The following LSAMP variants were observed in gnomAD, a reference collection of about 807,000 sequenced individuals.
The protein encoded by LSAMP is limbic system associated membrane protein.
In LSAMP, 7 loss-of-function variants were observed where a neutral mutation model predicts 38.6. The ratio of observed to expected loss-of-function variants is 0.18; its 90% CI spans 0.10 to 0.34. The LOEUF is 0.34. LSAMP is among the 10% of genes least tolerant of loss of function. The pLI, the probability that LSAMP is intolerant of heterozygous loss-of-function variation, is 1.00. For missense variants in LSAMP, 313 were observed against 420.0 expected (o/e 0.75, Z 2.23); for synonymous variants, 154 against 166.8 (o/e 0.92, Z 0.59).
At chr3:116,058,987 TGCTAGACATCATG>T (rs1252311679) in intron 2 of LSAMP, among the ~76,000 whole-genome samples, 1 of 152,074 alleles carries the variant, frequency 6.6e-6, no homozygotes, top group Non-Finnish European at 1.5e-5. Flanking sequence ...GCTTATGCTG[TGCTAGACATCATG>T]GCAGATGCCT....
chr3:116,093,699 T>C (rs1576358455), intron 1 of LSAMP, among the ~76,000 whole-genome samples: 4 of 152,212 alleles, frequency 2.6e-5, no homozygotes, highest in African/African-American at 4.8e-5. Context: ...AGAAAATTAG[T>C]CTTTGTTCAT....
At chr3:116,164,760 AT>A (rs1553709491) in intron 1 of LSAMP, among the ~76,000 whole-genome samples, 13,235 of 91,620 alleles carry the variant, frequency 0.14, 1,646 homozygotes, top group Middle Eastern at 0.21. Flanking sequence ...ATATATATAT[AT>A]TTTTTTTTTT....
At chr3:116,341,776 C>G (rs897624900) in intron 1 of LSAMP, among the ~76,000 whole-genome samples, 1 of 151,990 alleles carries the variant, frequency 6.6e-6, no homozygotes, top group Admixed American at 6.6e-5. Flanking sequence ...TTCCTTGACT[C>G]TGGTTCGGCT....
intron 1 of LSAMP, among the ~76,000 whole-genome samples, chr3:116,370,806 G>T (rs1236616041): frequency 6.6e-6 from 1 of 152,060 alleles, no homozygotes; most frequent in African/African-American, 2.4e-5. Flanking sequence ...TCTTCAATAA[G>T]ATCAACAACA....
Position 116,101,315 on chromosome 3 carries a change from T to C in LSAMP, c.156-14759A>G, listed in dbSNP as rs112987308. On this transcript the variant is annotated intron_variant, in intron 1 of 6. Coordinates refer to ENST00000490035, the MANE Select transcript of LSAMP (RefSeq NM_002338.5). ...TCTTATTTCCCTATATTTGCTTCTA[T>C]CATTTTCTCTACTCCTCTAGGTCTA... Among the ~76,000 whole-genome samples, 262 of 152,352 alleles carry C rather than the reference T, an allele frequency of 1.7e-3. 1 individual carries two copies. Among genetic ancestry groups the C allele is most frequent in the Admixed American group, 2.8e-3 (43 of 15,306 alleles).
At chr3:116,390,580 A>G (rs2048679507) in intron 1 of LSAMP, among the ~76,000 whole-genome samples, 1 of 152,036 alleles carries the variant, frequency 6.6e-6, no homozygotes, top group African/African-American at 2.4e-5. Flanking sequence ...GGCAAGGACC[A>G]TTAGCTGGGC....
At chr3:115,907,149 C>T (rs1937026630) in intron 3 of LSAMP, among the ~76,000 whole-genome samples, 1 of 152,140 alleles carries the variant, frequency 6.6e-6, no homozygotes, top group Non-Finnish European at 1.5e-5. Flanking sequence ...TTGCTTCCAG[C>T]CTGTTCCCAC....
At chr3:115,841,631 G>C (rs75244728) in intron 6 of LSAMP, 5,801 of 444,214 alleles carry the variant, frequency 0.013, 45 homozygotes, top group African/African-American at 0.019. Flanking sequence ...CAACAAGGCA[G>C]TTATCAGAAG....
At chr3:116,405,889 T>C (rs1387525060) in intron 1 of LSAMP, among the ~76,000 whole-genome samples, 2 of 152,088 alleles carry the variant, frequency 1.3e-5, no homozygotes, top group Admixed American at 1.3e-4. Context: ...GAGAAGTAAC[T>C]ACTTGAACAT....
intron 1 of LSAMP, among the ~76,000 whole-genome samples, chr3:116,426,295 T>C (rs1002294666): frequency 6.6e-6 from 1 of 152,028 alleles, no homozygotes; most frequent in African/African-American, 2.4e-5. Flanking sequence ...AAGACCAGTC[T>C]GGCCAATATG....
rs966026700 is a variant in LSAMP at position 115,807,574 on chromosome 3, G to A, written c.*2743C>T. The stretch of plus-strand genomic sequence containing the variant: ...GGTATATAATTAAGGCCTGTGACAT[G>A]CCATGGGGATCTGTTCCTGAAGGTA... On this transcript the variant is annotated 3_prime_UTR_variant, in exon 7 of 7. Coordinates refer to ENST00000490035, the MANE Select transcript of LSAMP (RefSeq NM_002338.5). 6.6e-5 allele frequency: 10 copies of A among 152,136 alleles called. No individual in the cohort carries two copies. Among genetic ancestry groups the A allele is most frequent in the African/African-American group, 2.4e-4 (10 of 41,428 alleles). 9.4% of individuals were successfully genotyped at this position (152,136 alleles called of 1,614,324 possible). A position where few individuals can be genotyped will look rare whatever the true frequency, so the allele number is the denominator to read the frequency against.
At chr3:116,321,264 T>G (rs2047702077) in intron 1 of LSAMP, among the ~76,000 whole-genome samples, 1 of 152,060 alleles carries the variant, frequency 6.6e-6, no homozygotes. Context: ...TCCCAGCTAC[T>G]TGGGAGGCTA....
intron 1 of LSAMP, among the ~76,000 whole-genome samples, chr3:116,433,288 C>T (rs1713005): frequency 0.59 from 89,720 of 151,740 alleles, 27,551 homozygotes; most frequent in East Asian, 0.72. Context: ...AACTAAAGTA[C>T]AACTTTAGAA....
chr3:116,397,791 G>A (rs1471744409), intron 1 of LSAMP, among the ~76,000 whole-genome samples: 2 of 152,038 alleles, frequency 1.3e-5, no homozygotes, highest in Admixed American at 6.5e-5. Context: ...CTTGTAGCAC[G>A]AGTCATAGTA....
Position 115,869,096 on chromosome 3 carries a change from A to G in LSAMP, c.515-16479T>C, listed in dbSNP as rs550609052. 7.2e-5 allele frequency among the ~76,000 whole-genome samples: 11 copies of G among 152,266 alleles called. 1 individual carries two copies. The South Asian group carries it at 2.3e-3, about 32-fold the overall frequency. On this transcript the variant is annotated intron_variant, in intron 3 of 6. Coordinates refer to ENST00000490035, the MANE Select transcript of LSAMP (RefSeq NM_002338.5). ...TCCAGGAAGAGAAATCAATGCAACT[A>G]TGCTCAATGGTTACGCTAAAATAAA...
intron 3 of LSAMP, among the ~76,000 whole-genome samples, chr3:115,925,249 C>T (rs1227221329): frequency 1.3e-5 from 2 of 152,082 alleles, no homozygotes; most frequent in Non-Finnish European, 2.9e-5. Context: ...TGCTGTGGGA[C>T]AAAGTCAAAT....
chr3:116,263,604 T>C (rs1234445320), intron 1 of LSAMP, among the ~76,000 whole-genome samples: 1 of 151,984 alleles, frequency 6.6e-6, no homozygotes, highest in Non-Finnish European at 1.5e-5. Flanking sequence ...TTGAGTGATA[T>C]GGTTAAATAT....
rs199559946 is a variant in LSAMP at position 116,271,780 on chromosome 3, A to C, written c.155+173097T>G. Among the ~76,000 whole-genome samples the C allele has an allele frequency of 2.0e-5, 3 of 152,062 alleles. No individual in the cohort carries two copies. In the East Asian group the frequency reaches 5.8e-4, roughly 29 times the overall value. On this transcript the variant is annotated intron_variant, in intron 1 of 6. Transcript: ENST00000490035. Reference sequence around the variant, plus strand: ...GTAGTTAGTCTAAAAGAGAAGCTGCACTTTCATTACTGTTCCGTGGGTACA... The same window carrying C: ...GTAGTTAGTCTAAAAGAGAAGCTGCCCTTTCATTACTGTTCCGTGGGTACA...
chr3:116,367,917 T>C (rs1698278351), intron 1 of LSAMP: 1 of 152,172 alleles, frequency 6.6e-6, no homozygotes, highest in East Asian at 1.9e-4. Flanking sequence ...TCTCTTATAT[T>C]TGCTTCTGCA....
Sources: gnomAD v4.1 joint callset for allele counts (sites outside exome capture counted in the v4.1 genomes callset) on GRCh38, gnomAD v4.1.1 for gene constraint, MANE v1.5 for transcripts, NCBI Gene and HGNC (gene_info 2026-07-23, HGNC 2026-07-21) for gene names.